The following COBL variants were observed in gnomAD, a reference collection of about 807,000 sequenced individuals.
The protein encoded by COBL is protein cordon-bleu.
COBL carries 51 observed loss-of-function variants against 98.8 expected under a neutral mutation model. That is an observed-to-expected ratio of 0.52 (90% confidence interval 0.41 to 0.65). COBL has a LOEUF of 0.65. COBL is among the 30% of genes least tolerant of loss of function. The pLI is 0.00. For synonymous variants in COBL, 634 were observed against 651.7 expected (o/e 0.97, Z 0.41); for missense variants, 1,617 against 1,617.5 (o/e 1.00, Z 0.01).
chr7:51,070,492 G>A (rs1263230619), intron 7 of COBL, among the ~76,000 whole-genome samples: 3 of 151,658 alleles, frequency 2.0e-5, no homozygotes, highest in Non-Finnish European at 4.4e-5. Flanking sequence ...TGGATAATCT[G>A]TAATTGGTTA....
At chr7:51,206,540 T>C (rs1023933315) in intron 2 of COBL, among the ~76,000 whole-genome samples, 1 of 151,106 alleles carries the variant, frequency 6.6e-6, no homozygotes, top group Non-Finnish European at 1.5e-5. Flanking sequence ...TTAAGAGATA[T>C]CTGCACTCCC....
chr7:51,110,158 T>G (rs1796695739), intron 6 of COBL, among the ~76,000 whole-genome samples: 1 of 152,228 alleles, frequency 6.6e-6, no homozygotes, highest in African/African-American at 2.4e-5. Flanking sequence ...ATACAATAGT[T>G]ATTGTTAACA....
chr7:51,026,406 T>C, intron 11 of COBL, 140 bp downstream of exon 11: 1 of 1,171,048 alleles, frequency 8.5e-7, no homozygotes, highest in Non-Finnish European at 1.2e-6. Flanking sequence ...TCACACAGGC[T>C]GGGATGGCCA....
chr7:51,025,863 C>T lies in COBL; in HGVS notation c.3505-491G>A, dbSNP rs2285839. 1.2e-4 allele frequency among the ~76,000 whole-genome samples: 18 copies of T among 152,286 alleles called. 1 individual carries two copies. The East Asian group carries it at 3.5e-3, about 29-fold the overall frequency. ...CCAGGAAGTTTGTCCACTCCACGGC[C>T]GAGACATCTGCCCCCATGCTCTGTT... On this transcript the variant is annotated intron_variant, in intron 11 of 12. Transcript: ENST00000265136.
At position 51,065,165 on chromosome 7, in the gene COBL, C is replaced by T. The variant is rs1253393260; in HGVS notation, c.1096+20001G>A. Reference sequence around the variant, plus strand: ...CTGATTAGGGATTGTCTCCCAAATGCCAATATTTCAGAGGTAGGTAAGACA... The same window carrying T: ...CTGATTAGGGATTGTCTCCCAAATGTCAATATTTCAGAGGTAGGTAAGACA... On this transcript the variant is annotated intron_variant, in intron 7 of 12. Coordinates refer to ENST00000265136, the MANE Select transcript of COBL (RefSeq NM_015198.5). 4.3e-6 allele frequency: 3 copies of T among 701,798 alleles called. No homozygotes were observed. The Admixed American group carries it at 6.0e-5, about 14-fold the overall frequency. 43.5% of individuals were successfully genotyped at this position (701,798 alleles called of 1,614,324 possible). A position where few individuals can be genotyped will look rare whatever the true frequency, so the allele number is the denominator to read the frequency against.
intron 1 of COBL, among the ~76,000 whole-genome samples, chr7:51,270,960 G>A (rs1798702109): frequency 6.6e-6 from 1 of 152,140 alleles, no homozygotes; most frequent in African/African-American, 2.4e-5. Flanking sequence ...AGACAGTAGG[G>A]GGGTCATGAG....
chr7:51,198,236 AAC>A (rs962948655), intron 2 of COBL, among the ~76,000 whole-genome samples: 3 of 152,154 alleles, frequency 2.0e-5, no homozygotes, highest in African/African-American at 7.2e-5. Context: ...GCTTATTTGA[AAC>A]AGATCTTATT....
chr7:51,224,037 G>C (rs1584232932), intron 1 of COBL, among the ~76,000 whole-genome samples: 3 of 152,266 alleles, frequency 2.0e-5, no homozygotes, highest in Admixed American at 2.0e-4. Flanking sequence ...ACATACAAAT[G>C]CTTACTATTG....
chr7:51,235,709 C>T (rs1795194903), intron 1 of COBL, among the ~76,000 whole-genome samples: 1 of 152,132 alleles, frequency 6.6e-6, no homozygotes, highest in Non-Finnish European at 1.5e-5. Context: ...TTGGAGGGGC[C>T]TGAAGTTAAC....
At chr7:51,210,851 T>C (rs1792351044) in intron 2 of COBL, among the ~76,000 whole-genome samples, 1 of 152,220 alleles carries the variant, frequency 6.6e-6, no homozygotes, top group African/African-American at 2.4e-5. Context: ...CATTTTCAAA[T>C]GCCAAACTCC....
intron 7 of COBL, among the ~76,000 whole-genome samples, chr7:51,055,219 C>A (rs938919832): frequency 6.6e-6 from 1 of 152,144 alleles, no homozygotes; most frequent in African/African-American, 2.4e-5. Flanking sequence ...GGGGCCCCAG[C>A]GCGCATCCTT....
intron 6 of COBL, among the ~76,000 whole-genome samples, chr7:51,130,238 G>A (rs905465285): frequency 9.2e-5 from 14 of 152,120 alleles, no homozygotes; most frequent in African/African-American, 3.1e-4. Context: ...AGCCTCAGCC[G>A]ACCTGAGTCC....
At chr7:51,281,072 C>T (rs558949070) in intron 1 of COBL, among the ~76,000 whole-genome samples, 112 of 151,770 alleles carry the variant, frequency 7.4e-4, no homozygotes, top group African/African-American at 2.6e-3. Flanking sequence ...AGGGCAAGAA[C>T]GCTTGAAATG....
At chr7:51,036,391 G>A (rs966780507) in intron 8 of COBL, among the ~76,000 whole-genome samples, 4 of 144,498 alleles carry the variant, frequency 2.8e-5, no homozygotes, top group Non-Finnish European at 4.5e-5. Context: ...TATAATCTAT[G>A]CACTCTTACA....
chr7:51,044,978 T>G (rs974229876), intron 7 of COBL, among the ~76,000 whole-genome samples: 1 of 152,162 alleles, frequency 6.6e-6, no homozygotes, highest in African/African-American at 2.4e-5. Context: ...AAAAAAGGAA[T>G]AGTTTAGAGC....
At chr7:51,237,337 CTCA>C (rs1795351918) in intron 1 of COBL, among the ~76,000 whole-genome samples, 1 of 152,096 alleles carries the variant, frequency 6.6e-6, no homozygotes, top group Admixed American at 6.5e-5. Context: ...TCTCTGCATC[CTCA>C]TAATAATTTG....
chr7:51,261,364 G>A (rs751104627), intron 1 of COBL, among the ~76,000 whole-genome samples: 1 of 152,222 alleles, frequency 6.6e-6, no homozygotes, highest in African/African-American at 2.4e-5. Context: ...ATGTGTCAGA[G>A]TTGCAGGGAG....
intron 4 of COBL, among the ~76,000 whole-genome samples, chr7:51,186,005 C>T (rs541495906): frequency 7.0e-4 from 106 of 152,358 alleles, no homozygotes; most frequent in African/African-American, 2.5e-3. Context: ...CTCCACATCG[C>T]ACAGTACCCA....
At chr7:51,112,022 C>A (rs1186006223) in intron 6 of COBL, among the ~76,000 whole-genome samples, 1 of 152,174 alleles carries the variant, frequency 6.6e-6, no homozygotes, top group African/African-American at 2.4e-5. Context: ...AGTTCACTTG[C>A]ATGGCACGGG....
Sources: allele counts gnomAD v4.1 joint callset (sites outside exome capture counted in the v4.1 genomes callset), GRCh38; gene constraint gnomAD v4.1.1; transcripts MANE v1.5; gene names NCBI Gene and HGNC (gene_info 2026-07-23, HGNC 2026-07-21).